The following AGMO variants were observed in gnomAD, a reference collection of about 807,000 sequenced individuals.
AGMO encodes the protein alkylglycerol monooxygenase.
Under a neutral mutation model 60.2 loss-of-function variants are expected in AGMO, and 75 were observed. The ratio of observed to expected loss-of-function variants is 1.25; its 90% CI spans 1.03 to 1.51. The LOEUF is 1.51. Ranked by LOEUF, AGMO falls within the 40% of genes most tolerant of loss-of-function variation. AGMO has a pLI of 0.00. For missense variants in AGMO, 763 were observed against 525.5 expected (o/e 1.45, Z -4.42); for synonymous variants, 261 against 177.1 (o/e 1.47, Z -3.76).
chr7:15,147,239 A>G, the AGMO span, among the ~76,000 whole-genome samples: 1 of 152,162 alleles, frequency 6.6e-6, no homozygotes, highest in Admixed American at 6.5e-5. Flanking sequence ...TGTACCCTGT[A>G]TTAGTCTGTT....
At chr7:15,546,021 A>T (rs1784772872) in intron 2 of AGMO, among the ~76,000 whole-genome samples, 1 of 152,046 alleles carries the variant, frequency 6.6e-6, no homozygotes, top group African/African-American at 2.4e-5. Context: ...TACTACCAAA[A>T]TTTTTTATTT....
chr7:15,387,993 T>G (rs1013308743), intron 8 of AGMO, among the ~76,000 whole-genome samples: 5 of 151,124 alleles, frequency 3.3e-5, no homozygotes, highest in African/African-American at 1.2e-4. Flanking sequence ...CTACAACCTC[T>G]GCCTCCTGGG....
intron 12 of AGMO, among the ~76,000 whole-genome samples, chr7:15,290,596 C>T (rs180991957): frequency 2.4e-4 from 37 of 152,158 alleles, no homozygotes; most frequent in Admixed American, 1.9e-3. Flanking sequence ...AGGGACTGGG[C>T]CTACATGTGG....
the AGMO span, among the ~76,000 whole-genome samples, chr7:15,128,668 A>G: frequency 6.6e-6 from 1 of 152,100 alleles, no homozygotes; most frequent in African/African-American, 2.4e-5. Context: ...TGTAGAAAAA[A>G]GAAAGTTACC....
chr7:15,161,374 C>T, the AGMO span, among the ~76,000 whole-genome samples: 48 of 152,032 alleles, frequency 3.2e-4, no homozygotes, highest in Non-Finnish European at 7.4e-5. Context: ...CAATTATCAA[C>T]TCATCCATGG....
chr7:15,190,404 A>G, the AGMO span, among the ~76,000 whole-genome samples: 1 of 151,912 alleles, frequency 6.6e-6, no homozygotes, highest in Non-Finnish European at 1.5e-5. Flanking sequence ...AAGCACACAG[A>G]GAGTAAAGTA....
chr7:15,158,542 G>T, the AGMO span, among the ~76,000 whole-genome samples: 1 of 152,148 alleles, frequency 6.6e-6, no homozygotes, highest in African/African-American at 2.4e-5. Flanking sequence ...TTTTTCCCAT[G>T]CATGAGTCTT....
the AGMO span, among the ~76,000 whole-genome samples, chr7:15,133,188 G>C: frequency 1.6e-4 from 24 of 152,286 alleles, no homozygotes; most frequent in South Asian, 4.8e-3. Flanking sequence ...TCCTGTATGA[G>C]AGTGGGAAAG....
At chr7:15,361,263 A>G (rs1442073911) in intron 12 of AGMO, among the ~76,000 whole-genome samples, 1 of 151,428 alleles carries the variant, frequency 6.6e-6, no homozygotes, top group African/African-American at 2.4e-5. Context: ...AACTCTGAAC[A>G]TGTGAACTTA....
chr7:15,358,171 G>C (rs138032422), intron 12 of AGMO: 1 of 184,476 alleles, frequency 5.4e-6, no homozygotes, highest in South Asian at 9.0e-5. Context: ...AAATTACAAC[G>C]TGTTCTTCTG....
chr7:15,465,589 T>TTTTA (rs1554275594), intron 3 of AGMO, among the ~76,000 whole-genome samples: 11 of 145,370 alleles, frequency 7.6e-5, no homozygotes, highest in African/African-American at 2.7e-4. Flanking sequence ...GTCCGGCTAA[T>TTTTA]TATATATATA....
intron 12 of AGMO, among the ~76,000 whole-genome samples, chr7:15,354,309 T>TGTATAC (rs1782368500): frequency 7.4e-5 from 5 of 67,294 alleles, no homozygotes; most frequent in African/African-American, 5.1e-4. Context: ...TATACGTGTA[T>TGTATAC]ACACGCGTGT....
rs1562555840 is a variant in AGMO at position 15,530,561 on chromosome 7, CTATATATATTCTATATACGTATTTCTA to C, written c.409+14184_409+14210del. 3.5e-3 allele frequency among the ~76,000 whole-genome samples: 259 copies of C among 74,294 alleles called. 3 individuals carry two copies. The highest frequency in any genetic ancestry group is 4.7e-3 in the Non-Finnish European group (195 of 41,138). The allele number at this position is 74,294 out of a possible 152,430, so 48.7% of individuals were successfully genotyped here. A position where few individuals can be genotyped will look rare whatever the true frequency, so the allele number is the denominator to read the frequency against. ...CTATATATATTCTATATACGTATTT[CTATATATATTCTATATACGTATTTCTA>C]TATATATATTCTATATACGTATTTC... On this transcript the variant is annotated intron_variant, in intron 3 of 12. Coordinates refer to ENST00000342526, the MANE Select transcript of AGMO (RefSeq NM_001004320.2).
chr7:15,269,682 G>A (rs1383452701), intron 12 of AGMO, among the ~76,000 whole-genome samples: 1 of 152,052 alleles, frequency 6.6e-6, no homozygotes, highest in Admixed American at 6.6e-5. Flanking sequence ...TATTGATGGG[G>A]ATTGGGCTTC....
chr7:15,151,352 T>C, the AGMO span, among the ~76,000 whole-genome samples: 1 of 152,068 alleles, frequency 6.6e-6, no homozygotes, highest in African/African-American at 2.4e-5. Flanking sequence ...TGGTTTTCTT[T>C]TTTTCTGCTA....
intron 3 of AGMO, among the ~76,000 whole-genome samples, chr7:15,473,300 G>A (rs879080512): frequency 1.3e-5 from 2 of 151,870 alleles, no homozygotes; most frequent in Non-Finnish European, 2.9e-5. Context: ...CGGATTCACA[G>A]CTGAATTCTA....
At chr7:15,444,631 C>T (rs1209912256) in intron 3 of AGMO, among the ~76,000 whole-genome samples, 1 of 152,192 alleles carries the variant, frequency 6.6e-6, no homozygotes, top group Non-Finnish European at 1.5e-5. Context: ...TCTGCTCCAA[C>T]TGGGTGCATT....
intron 5 of AGMO, among the ~76,000 whole-genome samples, chr7:15,400,657 C>A (rs1371301118): frequency 1.3e-5 from 2 of 152,164 alleles, no homozygotes; most frequent in East Asian, 3.9e-4. Context: ...AAAGTCCGAG[C>A]ATGATCTTTG....
intron 12 of AGMO, among the ~76,000 whole-genome samples, chr7:15,261,014 GCA>G (rs1172942930): frequency 2.0e-5 from 3 of 152,000 alleles, no homozygotes; most frequent in Non-Finnish European, 4.4e-5. Flanking sequence ...TACAGCAAAA[GCA>G]GAGCTAAGAG....
Sources: gnomAD v4.1 joint callset for allele counts (sites outside exome capture counted in the v4.1 genomes callset) on GRCh38, gnomAD v4.1.1 for gene constraint, MANE v1.5 for transcripts, NCBI Gene and HGNC (gene_info 2026-07-23, HGNC 2026-07-21) for gene names.